Variants in SLC41A2 observed in about 807,000 individuals in gnomAD.
SLC41A2 encodes solute carrier family 41 member 2.
Under a neutral mutation model 58.3 loss-of-function variants are expected in SLC41A2, and 32 were observed. The ratio of observed to expected loss-of-function variants is 0.55; its 90% confidence interval spans 0.41 to 0.74. The LOEUF (loss-of-function observed/expected upper bound fraction) is 0.74. SLC41A2 is among the 30% of genes least tolerant of loss of function. The pLI is 0.00. For missense variants in SLC41A2, 514 were observed against 680.6 expected (o/e 0.76, Z 2.72); for synonymous variants, 190 against 235.0 (o/e 0.81, Z 1.75).
rs2047649605 is a variant in SLC41A2, at chr12:104,944,838, AT to A, written c.-168+13249del. 2.7e-5 allele frequency among the ~76,000 whole-genome samples: 4 copies of A among 150,698 alleles called. No homozygotes were observed. The South Asian group carries it at 6.3e-4, about 24-fold the overall frequency. On this transcript the variant is annotated intron_variant, in intron 1 of 10. Transcript: ENST00000258538. Reference sequence around the variant, plus strand: ...CATAGAGTTCTCTTCTATTGTTTTAATTTTTTTCATAAGAGTAATATGTATT... The same window carrying A: ...CATAGAGTTCTCTTCTATTGTTTTAATTTTTTCATAAGAGTAATATGTATT...
intron 7 of SLC41A2, among the ~76,000 whole-genome samples, chr12:104,865,614 T>C (rs2043404717): frequency 6.6e-6 from 1 of 152,198 alleles, no homozygotes; most frequent in Non-Finnish European, 1.5e-5. Context: ...CCTAATGTTG[T>C]CTCTCACCTG....
At chr12:104,807,059 C>T (rs1419558543) in intron 10 of SLC41A2, among the ~76,000 whole-genome samples, 1 of 152,092 alleles carries the variant, frequency 6.6e-6, no homozygotes, top group African/African-American at 2.4e-5. Flanking sequence ...TGCAGAAGCT[C>T]TTTAGTTTAA....
chr12:104,817,198 T>C (rs891227993), intron 10 of SLC41A2, among the ~76,000 whole-genome samples: 3 of 152,282 alleles, frequency 2.0e-5, no homozygotes, highest in Admixed American at 6.5e-5. Flanking sequence ...CACAGAAAAG[T>C]TGCAGTAAAT....
At chr12:104,813,579 AACAC>A (rs753172474) in intron 10 of SLC41A2, among the ~76,000 whole-genome samples, 62 of 152,322 alleles carry the variant, frequency 4.1e-4, no homozygotes, top group South Asian at 3.3e-3. Flanking sequence ...GTTTTACACA[AACAC>A]ACACACAGAA....
intron 6 of SLC41A2, among the ~76,000 whole-genome samples, chr12:104,878,511 C>T (rs1174347719): frequency 6.6e-6 from 1 of 151,002 alleles, no homozygotes; most frequent in African/African-American, 2.4e-5. Flanking sequence ...TCCACCCTGT[C>T]TCCAGGTATT....
At chr12:104,875,431 C>T (rs573276942) in intron 6 of SLC41A2, among the ~76,000 whole-genome samples, 1 of 152,146 alleles carries the variant, frequency 6.6e-6, no homozygotes, top group African/African-American at 2.4e-5. Context: ...GCCACCACAC[C>T]TCACTAGTTT....
intron 3 of SLC41A2, among the ~76,000 whole-genome samples, chr12:104,909,328 A>G (rs1164654305): frequency 6.6e-6 from 1 of 152,158 alleles, no homozygotes; most frequent in East Asian, 1.9e-4. Context: ...TACTTCTACA[A>G]TTACAGAAAG....
chr12:104,816,387 G>A (rs369568500), intron 10 of SLC41A2, among the ~76,000 whole-genome samples: 7 of 152,266 alleles, frequency 4.6e-5, no homozygotes, highest in South Asian at 2.1e-4. Context: ...GAGCTGGCAC[G>A]AAGGAAAGGA....
rs79148149 is a variant in SLC41A2, at chr12:104,894,580, A to G, written c.735+694T>C. Reference sequence around the variant, plus strand: ...TTTCTTTGTCCTTGAATTACATTACATGAAATTCTGTTCCTGCAACCAGGT... The same window carrying G: ...TTTCTTTGTCCTTGAATTACATTACGTGAAATTCTGTTCCTGCAACCAGGT... On this transcript the variant is annotated intron_variant, in intron 4 of 10. Coordinates refer to ENST00000258538, the MANE Select transcript of SLC41A2 (RefSeq NM_001352171.3). 5.9e-3 allele frequency among the ~76,000 whole-genome samples: 898 copies of G among 152,312 alleles called. 17 individuals are homozygous for G. Among genetic ancestry groups the G allele is most frequent in the African/African-American group, 0.02 (846 of 41,568 alleles).
intron 8 of SLC41A2, among the ~76,000 whole-genome samples, chr12:104,847,379 G>A (rs1443516667): frequency 2.0e-5 from 3 of 151,876 alleles, no homozygotes; most frequent in Non-Finnish European, 4.4e-5. Context: ...CGAGGTGGGT[G>A]GATCACGAGG....
intron 8 of SLC41A2, among the ~76,000 whole-genome samples, chr12:104,848,159 G>A (rs573661995): frequency 7.9e-5 from 12 of 152,218 alleles, no homozygotes; most frequent in African/African-American, 2.6e-4. Flanking sequence ...TTCCATAACA[G>A]AAAAGTAAGA....
At chr12:104,823,009 A>G (rs777359980) in intron 10 of SLC41A2, among the ~76,000 whole-genome samples, 8 of 152,186 alleles carry the variant, frequency 5.3e-5, no homozygotes, top group Non-Finnish European at 8.8e-5. Flanking sequence ...GCTTAGAGAA[A>G]GAACATAGAG....
intron 10 of SLC41A2, among the ~76,000 whole-genome samples, chr12:104,817,123 T>C (rs542862294): frequency 3.9e-5 from 6 of 152,336 alleles, no homozygotes; most frequent in African/African-American, 1.4e-4. Context: ...CTATATAGCA[T>C]GTATGTGACT....
At chr12:104,910,156 C>A (rs943056009) in intron 2 of SLC41A2, among the ~76,000 whole-genome samples, 1 of 152,134 alleles carries the variant, frequency 6.6e-6, no homozygotes, top group East Asian at 1.9e-4. Context: ...TTAAAACAAA[C>A]CCACTGGAAA....
intron 10 of SLC41A2, among the ~76,000 whole-genome samples, chr12:104,835,210 G>A (rs1021609416): frequency 1.3e-5 from 2 of 152,210 alleles, no homozygotes; most frequent in African/African-American, 4.8e-5. Context: ...TGACTGCCTA[G>A]CTGATGCAGG....
At chr12:104,822,978 A>G (rs1182403049) in intron 10 of SLC41A2, among the ~76,000 whole-genome samples, 1 of 152,176 alleles carries the variant, frequency 6.6e-6, no homozygotes, top group African/African-American at 2.4e-5. Context: ...TTGTTTTGAC[A>G]TGGGAGAGTC....
intron 1 of SLC41A2, among the ~76,000 whole-genome samples, chr12:104,932,663 C>T (rs893971293): frequency 6.1e-5 from 8 of 131,902 alleles, no homozygotes; most frequent in Non-Finnish European, 1.3e-4. Context: ...GTAACCAAAA[C>T]AGCATGATAC....
chr12:104,890,893 G>A (rs1174457703), intron 4 of SLC41A2, among the ~76,000 whole-genome samples: 2 of 152,178 alleles, frequency 1.3e-5, no homozygotes, highest in Non-Finnish European at 2.9e-5. Flanking sequence ...GCACAACCCT[G>A]AGCAAGTGGG....
chr12:104,848,606 T>TA (rs1565837992), intron 8 of SLC41A2, among the ~76,000 whole-genome samples: 1 of 152,030 alleles, frequency 6.6e-6, no homozygotes, highest in Non-Finnish European at 1.5e-5. Context: ...GTGCATGCAT[T>TA]AAAAGGATAA....
Sources: gnomAD v4.1 joint callset for allele counts (sites outside exome capture counted in the v4.1 genomes callset) on GRCh38, gnomAD v4.1.1 for gene constraint, MANE v1.5 for transcripts, NCBI Gene and HGNC (gene_info 2026-07-23, HGNC 2026-07-21) for gene names.